Variants in ROR1 observed in about 807,000 individuals in gnomAD.
ROR1 encodes the protein ROR family WNT receptor 1.
ROR1 carries 19 observed loss-of-function variants against 78.8 expected under a neutral mutation model. That is an observed-to-expected ratio of 0.24 (90% CI 0.17 to 0.35). ROR1 has a LOEUF of 0.35. Among genes scored for constraint, ROR1 ranks in the 10% least tolerant of loss-of-function variants. The pLI is 1.00. For missense variants in ROR1, 917 were observed against 1,177.8 expected (o/e 0.78, Z 3.24); for synonymous variants, 386 against 433.6 (o/e 0.89, Z 1.36).
At chr1:64,034,078 C>T (rs1384475888) in intron 2 of ROR1, among the ~76,000 whole-genome samples, 2 of 152,098 alleles carry the variant, frequency 1.3e-5, no homozygotes, top group Non-Finnish European at 2.9e-5. Flanking sequence ...TAGTTTACTT[C>T]TTGAAGACTT....
At chr1:63,870,430 C>T (rs79098988) in intron 1 of ROR1, among the ~76,000 whole-genome samples, 5,179 of 152,264 alleles carry the variant, frequency 0.034, 85 homozygotes, top group South Asian at 0.045. Context: ...GTATTTTCAT[C>T]ATAAATCTTG....
intron 1 of ROR1, among the ~76,000 whole-genome samples, chr1:63,814,242 C>T (rs555953932): frequency 6.6e-6 from 1 of 152,304 alleles, no homozygotes; most frequent in East Asian, 1.9e-4. Context: ...AGTCGTTCAT[C>T]AAAATCTCAG....
chr1:64,106,998 G>A (rs1371087870), intron 4 of ROR1: 3 of 152,554 alleles, frequency 2.0e-5, no homozygotes, highest in African/African-American at 2.4e-5. Flanking sequence ...GTAGCATGCA[G>A]TTTCACAAGT....
At chr1:63,872,171 A>G (rs1356053808) in intron 1 of ROR1, among the ~76,000 whole-genome samples, 4 of 152,232 alleles carry the variant, frequency 2.6e-5, no homozygotes, top group Non-Finnish European at 4.4e-5. Context: ...GGTGGTCTAC[A>G]GTAGTTCCCA....
At chr1:64,120,497 A>G (rs903184938) in intron 4 of ROR1, among the ~76,000 whole-genome samples, 3 of 152,234 alleles carry the variant, frequency 2.0e-5, no homozygotes, top group Admixed American at 6.5e-5. Flanking sequence ...TGAATGAGAT[A>G]TTTTACTCTT....
chr1:64,110,081 C>G (rs1489876871), intron 4 of ROR1, among the ~76,000 whole-genome samples: 1 of 152,126 alleles, frequency 6.6e-6, no homozygotes, highest in Non-Finnish European at 1.5e-5. Flanking sequence ...ACTATCTGTT[C>G]CATGAGGCCA....
At chr1:63,824,563 G>A (rs1392133713) in intron 1 of ROR1, among the ~76,000 whole-genome samples, 3 of 152,142 alleles carry the variant, frequency 2.0e-5, no homozygotes, top group African/African-American at 7.2e-5. Context: ...ATGCTTTGAG[G>A]CTTTGAGGAG....
intron 8 of ROR1, among the ~76,000 whole-genome samples, chr1:64,162,909 A>G (rs1031992605): frequency 7.9e-5 from 12 of 152,016 alleles, no homozygotes; most frequent in African/African-American, 2.4e-4. Context: ...CCTGCCAGGT[A>G]TGACTCTGGA....
chr1:64,086,304 G>A (rs1647154320), intron 4 of ROR1, among the ~76,000 whole-genome samples: 1 of 152,184 alleles, frequency 6.6e-6, no homozygotes, highest in African/African-American at 2.4e-5. Context: ...TGAAGCAGAG[G>A]TTCAAACCCG....
chr1:63,828,979 A>G (rs1644970949), intron 1 of ROR1, among the ~76,000 whole-genome samples: 1 of 152,174 alleles, frequency 6.6e-6, no homozygotes, highest in Non-Finnish European at 1.5e-5. Flanking sequence ...TTTCCATCAT[A>G]TCATCGCCAT....
chr1:63,980,653 CCTT>C (rs1646202914), intron 1 of ROR1, among the ~76,000 whole-genome samples: 1 of 152,232 alleles, frequency 6.6e-6, no homozygotes, highest in South Asian at 2.1e-4. Flanking sequence ...CTTTCAATCT[CCTT>C]CTTTTCCATC....
At chr1:63,804,572 G>T (rs972497609) in intron 1 of ROR1, among the ~76,000 whole-genome samples, 1 of 152,192 alleles carries the variant, frequency 6.6e-6, no homozygotes, top group South Asian at 2.1e-4. Flanking sequence ...ATGAGGATGA[G>T]CGTGGACATC....
intron 1 of ROR1, among the ~76,000 whole-genome samples, chr1:63,982,153 T>A (rs919237422): frequency 6.6e-6 from 1 of 152,052 alleles, no homozygotes; most frequent in African/African-American, 2.4e-5. Flanking sequence ...AACTGAAGCT[T>A]GGAAAGGTTA....
At chr1:63,949,602 C>T (rs985768800) in intron 1 of ROR1, among the ~76,000 whole-genome samples, 1 of 152,206 alleles carries the variant, frequency 6.6e-6, no homozygotes, top group African/African-American at 2.4e-5. Context: ...TTCTGCTTCA[C>T]TCCTCCAGGA....
At chr1:63,886,350 C>CT (rs1557544350) in intron 1 of ROR1, among the ~76,000 whole-genome samples, 1 of 152,170 alleles carries the variant, frequency 6.6e-6, no homozygotes, top group Non-Finnish European at 1.5e-5. Context: ...GGGCTGCATT[C>CT]TTTTTTGGAA....
At chr1:64,088,250 G>A (rs555162620) in intron 4 of ROR1, among the ~76,000 whole-genome samples, 43 of 152,164 alleles carry the variant, frequency 2.8e-4, no homozygotes, top group African/African-American at 9.9e-4. Flanking sequence ...CTCATAAAGG[G>A]ATCATGGATA....
chr1:64,139,003 AAAAC>A (rs1649215539), intron 5 of ROR1, among the ~76,000 whole-genome samples: 1 of 151,884 alleles, frequency 6.6e-6, no homozygotes, highest in Non-Finnish European at 1.5e-5. Context: ...TCTCTACTAA[AAAAC>A]AATACAAATA....
At chr1:64,046,295 C>T (rs541248855) in intron 2 of ROR1, among the ~76,000 whole-genome samples, 65 of 152,278 alleles carry the variant, frequency 4.3e-4, no homozygotes, top group African/African-American at 1.5e-3. Context: ...CAGGTGTTCT[C>T]GTTCTGCTTA....
intron 1 of ROR1, among the ~76,000 whole-genome samples, chr1:63,831,184 G>C (rs1644985955): frequency 6.6e-6 from 1 of 152,206 alleles, no homozygotes; most frequent in South Asian, 2.1e-4. Flanking sequence ...CAAGCTACCA[G>C]TGGATCTACC....
Sources: gnomAD v4.1 joint callset for allele counts (sites outside exome capture counted in the v4.1 genomes callset) on GRCh38, gnomAD v4.1.1 for gene constraint, MANE v1.5 for transcripts, NCBI Gene and HGNC (gene_info 2026-07-23, HGNC 2026-07-21) for gene names.